SUFU: variants seen among roughly 807,000 people sequenced by gnomAD.
SUFU encodes the protein suppressor of fused homolog.
In SUFU, 7 loss-of-function variants were observed where a neutral mutation model predicts 58.9. The ratio of observed to expected loss-of-function variants is 0.12; its 90% CI spans 0.07 to 0.22. The LOEUF is 0.22. Among genes scored for constraint, SUFU ranks in the 10% least tolerant of loss-of-function variants. The pLI is 1.00. For missense variants in SUFU, 451 were observed against 641.3 expected (o/e 0.70, Z 3.20); for synonymous variants, 232 against 254.8 (o/e 0.91, Z 0.85).
In SUFU at chr10:102,592,620, A is replaced by G. The variant is rs368270585; in HGVS notation, c.493A>G (p.Ser165Gly). The change falls in exon 4 of 12, where the codon AGC (serine) becomes GGC (glycine). Residue 165 changes from serine (S) to glycine (G), a missense_variant. By Grantham distance (56) the Ser-to-Gly change is moderately conservative. Transcript: ENST00000369902. The part of the protein sequence containing the change: ...FCSGDHVSWH[S>G]PLDNSESRIQ... ...CAGTGGGGACCATGTGTCCTGGCAC[A>G]GCCCTTTGGATAACAGTGAGTCAAG... 1.2e-6 allele frequency: 2 copies of G among 1,614,074 alleles called. No individual in the cohort carries two copies. The highest frequency in any genetic ancestry group is 1.7e-6 in the Non-Finnish European group (2 of 1,180,042).
At chr10:102,579,482 C>T (rs973970248) in intron 3 of SUFU, among the ~76,000 whole-genome samples, 3 of 152,192 alleles carry the variant, frequency 2.0e-5, no homozygotes, top group African/African-American at 7.2e-5. Context: ...AAGGGATTTT[C>T]CTTACACTTC....
chr10:102,560,156 C>G (rs1564681047), intron 3 of SUFU, among the ~76,000 whole-genome samples: 2 of 152,170 alleles, frequency 1.3e-5, no homozygotes, highest in African/African-American at 4.8e-5. Context: ...AAAATTGAAA[C>G]TTAGAAATTT....
chr10:102,583,152 C>A (rs1285036379), intron 3 of SUFU, among the ~76,000 whole-genome samples: 1 of 152,200 alleles, frequency 6.6e-6, no homozygotes, highest in Non-Finnish European at 1.5e-5. Flanking sequence ...AGACCGGACT[C>A]AAGAATGAAC....
At chr10:102,599,571 G>A in intron 8 of SUFU, 27 bp downstream of exon 8, 4 of 1,596,828 alleles carry the variant, frequency 2.5e-6, no homozygotes, top group Non-Finnish European at 2.6e-6. Flanking sequence ...CCCTGGGCTG[G>A]AACAAGAGGA....
At chr10:102,566,129 A>G (rs1367059789) in intron 3 of SUFU, among the ~76,000 whole-genome samples, 2 of 152,192 alleles carry the variant, frequency 1.3e-5, no homozygotes, top group Non-Finnish European at 2.9e-5. Context: ...TGTTCAGCGA[A>G]GAGGGCTGGA....
chr10:102,511,128 A>G (rs1351578282), intron 2 of SUFU, among the ~76,000 whole-genome samples: 1 of 134,174 alleles, frequency 7.5e-6, no homozygotes, highest in Non-Finnish European at 1.6e-5. Flanking sequence ...TCTCAAAAAA[A>G]AAAAAAAAAG....
At chr10:102,620,452 T>A (rs1295697827) in intron 10 of SUFU, among the ~76,000 whole-genome samples, 3 of 152,142 alleles carry the variant, frequency 2.0e-5, no homozygotes, top group Non-Finnish European at 4.4e-5. Flanking sequence ...GGCCCCAGCA[T>A]GTGGCAAAGC....
intron 2 of SUFU, among the ~76,000 whole-genome samples, chr10:102,542,933 T>C (rs2062819153): frequency 6.6e-6 from 1 of 152,200 alleles, no homozygotes; most frequent in Non-Finnish European, 1.5e-5. Flanking sequence ...CCTCTTTTGC[T>C]TTTTTCGCCT....
chr10:102,581,725 T>A (rs2135832961), intron 3 of SUFU, among the ~76,000 whole-genome samples: 1 of 152,320 alleles, frequency 6.6e-6, no homozygotes, highest in East Asian at 1.9e-4. Flanking sequence ...TCTGTGTTAC[T>A]GGGGACATGT....
At chr10:102,571,402 C>T (rs575484161) in intron 3 of SUFU, among the ~76,000 whole-genome samples, 229 of 152,286 alleles carry the variant, frequency 1.5e-3, no homozygotes, top group Non-Finnish European at 2.8e-3. Flanking sequence ...CAGTGGCTGA[C>T]GCCTGTAATC....
chr10:102,516,143 T>TTTTG (rs398014649), intron 2 of SUFU, among the ~76,000 whole-genome samples: 2 of 129,440 alleles, frequency 1.5e-5, no homozygotes, highest in East Asian at 2.1e-4. Flanking sequence ...TTTTTTTTTT[T>TTTTG]GAGATAGAGT....
At chr10:102,545,592 G>A (rs564872242) in intron 2 of SUFU, among the ~76,000 whole-genome samples, 7 of 151,976 alleles carry the variant, frequency 4.6e-5, no homozygotes, top group African/African-American at 1.2e-4. Context: ...ATTTCTCCAC[G>A]TCCTCTCTAA....
intron 3 of SUFU, among the ~76,000 whole-genome samples, chr10:102,585,780 AC>A (rs1187551124): frequency 5.3e-5 from 8 of 151,450 alleles, no homozygotes; most frequent in East Asian, 1.9e-4. Flanking sequence ...TGGCCTCCCA[AC>A]ACTTTGGGAG....
At position 102,569,607 on chromosome 10, in the gene SUFU, A is replaced by G. The variant is rs937845015; in HGVS notation, c.454+19501A>G. Among the ~76,000 whole-genome samples, 3 of 152,322 alleles carry G rather than the reference A, an allele frequency of 2.0e-5. No homozygotes were observed. In the South Asian group the frequency reaches 6.2e-4, roughly 32 times the overall value. ...TATTGCTATCTCTTCCTATAATCAA[A>G]TCACCCAAAATTGGTTATCTAAACC... On this transcript the variant is annotated intron_variant, in intron 3 of 11. Coordinates refer to ENST00000369902, the MANE Select transcript of SUFU (RefSeq NM_016169.4).
chr10:102,520,325 C>T (rs1471301490), intron 2 of SUFU, among the ~76,000 whole-genome samples: 1 of 147,186 alleles, frequency 6.8e-6, no homozygotes, highest in South Asian at 2.1e-4. Context: ...TCAAGTGATT[C>T]TCCTGCCTCA....
chr10:102,574,703 A>C (rs2135812285), intron 3 of SUFU, among the ~76,000 whole-genome samples: 1 of 152,322 alleles, frequency 6.6e-6, no homozygotes, highest in Admixed American at 6.5e-5. Flanking sequence ...AATTAGCAAG[A>C]TGAACAAAAG....
chr10:102,527,291 C>T (rs1967814), intron 2 of SUFU, among the ~76,000 whole-genome samples: 30,027 of 151,732 alleles, frequency 0.2, 3,761 homozygotes, highest in Non-Finnish European at 0.26. Flanking sequence ...CGTGAGCCAC[C>T]GCGCCCGGCC....
Position 102,593,668 on chromosome 10 carries a change from A to G in SUFU, c.630A>G (p.Ser210=). ...IVGVCTEELH[S]AQQWNGQGIL... ...GTGTCTGCACTGAAGAGCTACACTC[A>G]GCCCAGCAGTGGAACGGGCAGGGCA... is the stretch of plus-strand genomic sequence containing the variant. The change falls in exon 5 of 12, where the codon TCA becomes TCG. Residue 210 remains serine (S), a synonymous_variant. Coordinates refer to ENST00000369902, the MANE Select transcript of SUFU (RefSeq NM_016169.4). 2 of 1,614,224 alleles carry G rather than the reference A, an allele frequency of 1.2e-6. No homozygotes were observed. Among genetic ancestry groups the G allele is most frequent in the Non-Finnish European group, 1.7e-6 (2 of 1,180,028 alleles).
intron 10 of SUFU, among the ~76,000 whole-genome samples, chr10:102,620,929 G>A (rs7087984): frequency 0.45 from 68,684 of 152,050 alleles, 15,909 homozygotes; most frequent in East Asian, 0.66. Context: ...TTTAGGCCCC[G>A]CAATGCTTTC....
Sources: allele counts gnomAD v4.1 joint callset (sites outside exome capture counted in the v4.1 genomes callset), GRCh38; gene constraint gnomAD v4.1.1; transcripts MANE v1.5; gene names NCBI Gene and HGNC (gene_info 2026-07-23, HGNC 2026-07-21).